UTS2B: variants seen among roughly 807,000 people sequenced by gnomAD.
UTS2B encodes urotensin 2B, also known as urotensin-2B.
In UTS2B, 21 loss-of-function variants were observed where a neutral mutation model predicts 19.2. That is an observed-to-expected ratio of 1.09 (90% CI 0.78 to 1.58). UTS2B has a LOEUF of 1.58. Ranked by LOEUF, UTS2B falls within the 40% of genes most tolerant of loss-of-function variation. The pLI, the probability that UTS2B is intolerant of heterozygous loss-of-function variation, is 0.00. For synonymous variants in UTS2B, 57 were observed against 50.2 expected, an observed-to-expected ratio of 1.14 and a Z score of -0.58; for missense variants, 138 against 130.3, an observed-to-expected ratio of 1.06 and a Z score of -0.29.
intron 8 of UTS2B, among the ~76,000 whole-genome samples, chr3:191,272,572 G>A (rs1350805301): frequency 2.6e-5 from 4 of 152,144 alleles, no homozygotes; most frequent in Non-Finnish European, 2.9e-5. Context: ...TGAATGAAGA[G>A]TAGCTTGGCT....
chr3:191,303,959 T>A (rs1717068479), intron 4 of UTS2B, among the ~76,000 whole-genome samples: 1 of 151,850 alleles, frequency 6.6e-6, no homozygotes, highest in Non-Finnish European at 1.5e-5. Flanking sequence ...AAGAAAGAAT[T>A]GCCTGGTGGC....
At chr3:191,293,876 G>T (rs1403565219) in intron 4 of UTS2B, among the ~76,000 whole-genome samples, 1 of 151,716 alleles carries the variant, frequency 6.6e-6, no homozygotes, top group Non-Finnish European at 1.5e-5. Flanking sequence ...GGGTGGGGGA[G>T]TCGGGGCGGA....
intron 4 of UTS2B, among the ~76,000 whole-genome samples, chr3:191,301,625 C>T (rs1386617567): frequency 1.3e-5 from 2 of 151,608 alleles, no homozygotes; most frequent in African/African-American, 4.8e-5. Flanking sequence ...TAGCTGGGAC[C>T]ACAGGCGCCC....
Position 191,284,473 on chromosome 3 carries a change from C to T in UTS2B, c.-124-2160G>A, listed in dbSNP as rs537331925. On this transcript the variant is annotated intron_variant, in intron 4 of 8. Transcript: ENST00000340524. The stretch of plus-strand genomic sequence containing the variant: ...AGTAGCTGGGATTACAGGCTAGCAC[C>T]ACCATGTCTGGCTAATTTTTGTGTT... Among the ~76,000 whole-genome samples, 193 of 151,780 alleles carry T rather than the reference C, an allele frequency of 1.3e-3. 1 individual carries two copies. The highest frequency in any genetic ancestry group is 4.6e-3 in the African/African-American group (189 of 41,474).
intron 3 of UTS2B, among the ~76,000 whole-genome samples, chr3:191,314,716 G>A (rs1264919675): frequency 1.3e-5 from 2 of 152,172 alleles, no homozygotes; most frequent in African/African-American, 2.4e-5. Context: ...CTCCAGAGAT[G>A]GGGAAGGGAC....
rs1350589263 is a variant in UTS2B, at chr3:191,276,825, T to C, written c.222A>G (p.Lys74=). ...TTCTCACCTGGTTAAGTTCTTCCAG[T>C]TTGTTAGGTAAGGCTAGGTCTGCAA... ...PFNTDLALPN[K]LEELNQLEKL... is the part of the protein sequence containing the mutation. Residue 74 remains lysine (K), a synonymous_variant, in exon 7 of 9, where the codon AAA becomes AAG. Transcript: ENST00000340524. 1 of 1,612,200 alleles carries C rather than the reference T, an allele frequency of 6.2e-7. No individual in the cohort carries two copies. The highest frequency in any genetic ancestry group is 8.5e-7 in the Non-Finnish European group (1 of 1,179,360).
chr3:191,295,488 T>G (rs1400780536), intron 4 of UTS2B, among the ~76,000 whole-genome samples: 1 of 152,024 alleles, frequency 6.6e-6, no homozygotes, highest in Non-Finnish European at 1.5e-5. Context: ...CAGGGTTTGA[T>G]TCTAGATTTT....
Position 191,316,063 on chromosome 3 carries a change from T to A in UTS2B, c.-209A>T, listed in dbSNP as rs1717439519. 6.6e-6 allele frequency: 1 copy of A among 152,240 alleles called. No individual in the cohort carries two copies. Among genetic ancestry groups the A allele is most frequent in the South Asian group, 2.1e-4 (1 of 4,828 alleles). 9.4% of individuals were successfully genotyped at this position (152,240 alleles called of 1,614,324 possible). A position where few individuals can be genotyped will look rare whatever the true frequency, so the allele number is the denominator to read the frequency against. ...GTGTCACAGGTGGCTTCTCTTGACA[T>A]AGCTCAAGTGGGTTTTGAAGATCAG... On this transcript the variant is annotated 5_prime_UTR_variant, in exon 3 of 9. It removes an upstream start codon present in the reference 5' UTR. Transcript: ENST00000340524.
intron 3 of UTS2B, among the ~76,000 whole-genome samples, chr3:191,306,518 T>C (rs1055170898): frequency 1.3e-5 from 2 of 152,252 alleles, no homozygotes; most frequent in Non-Finnish European, 1.5e-5. Flanking sequence ...AAAAATTGCC[T>C]AATACAGCAC....
At chr3:191,270,636 G>A (rs1017560721) in intron 8 of UTS2B, among the ~76,000 whole-genome samples, 1 of 151,050 alleles carries the variant, frequency 6.6e-6, no homozygotes, top group South Asian at 2.1e-4. Flanking sequence ...ATTTTCTATT[G>A]TCAGTGGTTC....
chr3:191,272,295 T>C (rs551225541), intron 8 of UTS2B, among the ~76,000 whole-genome samples: 87 of 152,310 alleles, frequency 5.7e-4, no homozygotes, highest in Non-Finnish European at 6.6e-4. Flanking sequence ...AACTCATTAA[T>C]GGCAGACAAG....
At chr3:191,275,431 A>G (rs1365661960) in intron 7 of UTS2B, 86 bp from the exon 8 acceptor site, 5 of 1,055,878 alleles carry the variant, frequency 4.7e-6, no homozygotes, top group African/African-American at 1.6e-5. Flanking sequence ...CTGTAATCCC[A>G]GCACTTCGGG....
the UTS2B span, among the ~76,000 whole-genome samples, chr3:191,337,053 A>G: frequency 3.3e-5 from 5 of 151,262 alleles, no homozygotes; most frequent in Admixed American, 3.3e-4. Context: ...AGCCATACTT[A>G]TTCATTTACA....
At chr3:191,285,572 C>G (rs1465840451) in intron 4 of UTS2B, among the ~76,000 whole-genome samples, 1 of 152,134 alleles carries the variant, frequency 6.6e-6, no homozygotes, top group African/African-American at 2.4e-5. Flanking sequence ...TATATGCTGT[C>G]TACAAGAGAC....
At chr3:191,320,811 A>G (rs1255513438) in intron 2 of UTS2B, among the ~76,000 whole-genome samples, 2 of 152,244 alleles carry the variant, frequency 1.3e-5, no homozygotes, top group Non-Finnish European at 2.9e-5. Context: ...AAGTAAATTG[A>G]AGAAATTATG....
At chr3:191,329,611 C>T in intron 1 of UTS2B, 2 of 1,552,056 alleles carry the variant, frequency 1.3e-6, no homozygotes, top group Non-Finnish European at 8.7e-7. Context: ...GCTCGGGGCC[C>T]CGCTCGGCGC....
chr3:191,267,833 G>A lies in UTS2B; in HGVS notation c.*583C>T, dbSNP rs1241464103. 1 of 152,158 alleles carries A rather than the reference G, an allele frequency of 6.6e-6. No homozygotes were observed. Among genetic ancestry groups the A allele is most frequent in the Non-Finnish European group, 1.5e-5 (1 of 68,028 alleles). The allele number at this position is 152,158 out of a possible 1,614,324, so 9.4% of individuals were successfully genotyped here. ...TACTGTGTGTGTAATTTCTAACAGA[G>A]CCTTAAAACAGAAACACAATCTTTC... On this transcript the variant is annotated 3_prime_UTR_variant, in exon 9 of 9. Coordinates refer to ENST00000340524, the MANE Select transcript of UTS2B (RefSeq NM_198152.5).
chr3:191,329,616 C>T (rs1350403259), intron 1 of UTS2B: 38 of 1,562,218 alleles, frequency 2.4e-5, no homozygotes, highest in African/African-American at 2.7e-5. Context: ...GGGCCCCGCT[C>T]GGCGCCGGCG....
chr3:191,276,722 A>G, intron 7 of UTS2B, 85 bp downstream of exon 7: 1 of 1,178,056 alleles, frequency 8.5e-7, no homozygotes, highest in Non-Finnish European at 1.2e-6. Flanking sequence ...AGTATTAATA[A>G]TTTATTTTAA....
Sources: gnomAD v4.1 joint callset for allele counts (sites outside exome capture counted in the v4.1 genomes callset) on GRCh38, gnomAD v4.1.1 for gene constraint, MANE v1.5 for transcripts, NCBI Gene and HGNC (gene_info 2026-07-23, HGNC 2026-07-21) for gene names.